The following TRIM24 variants were observed in gnomAD, a reference collection of about 807,000 sequenced individuals.
TRIM24 encodes transcription intermediary factor 1-alpha.
TRIM24 carries 29 observed loss-of-function variants against 123.9 expected under a neutral mutation model. The ratio of observed to expected loss-of-function variants is 0.23; its 90% confidence interval spans 0.17 to 0.32. TRIM24 has a LOEUF of 0.32. Ranked by LOEUF, TRIM24 falls within the 10% of genes least tolerant of loss-of-function variation. The pLI is 1.00. For synonymous variants in TRIM24, 456 were observed against 461.1 expected, an observed-to-expected ratio of 0.99 and a Z score of 0.14; for missense variants, 932 against 1,295.3, an observed-to-expected ratio of 0.72 and a Z score of 4.31.
intron 9 of TRIM24, among the ~76,000 whole-genome samples, chr7:138,566,123 G>GT (rs1369947324): frequency 6.6e-6 from 1 of 152,092 alleles, no homozygotes; most frequent in Admixed American, 6.6e-5. Context: ...AGGGAAACTT[G>GT]TTTTTCTCTT....
chr7:138,504,548 C>T, intron 2 of TRIM24, 140 bp downstream of exon 2: 1 of 506,858 alleles, frequency 2.0e-6, no homozygotes, highest in Non-Finnish European at 3.4e-6. Flanking sequence ...CTGCAAGCTC[C>T]TCCCCACAGG....
At chr7:138,500,225 A>G (rs779296796) in intron 1 of TRIM24, among the ~76,000 whole-genome samples, 2 of 152,198 alleles carry the variant, frequency 1.3e-5, no homozygotes, top group Non-Finnish European at 2.9e-5. Context: ...TCATATTCAC[A>G]TCTCAAAACC....
intron 7 of TRIM24, among the ~76,000 whole-genome samples, chr7:138,546,200 G>A (rs1038322902): frequency 2.6e-5 from 4 of 152,110 alleles, no homozygotes; most frequent in Non-Finnish European, 4.4e-5. Context: ...GACATCCTAC[G>A]TTTCCTGGCA....
chr7:138,531,100 C>G (rs1424484227), intron 6 of TRIM24, among the ~76,000 whole-genome samples: 2 of 151,062 alleles, frequency 1.3e-5, no homozygotes, highest in Non-Finnish European at 3.0e-5. Flanking sequence ...GACTACAGGG[C>G]GTGTGCTGCC....
At chr7:138,461,108 C>T (rs567847889) in intron 1 of TRIM24, 196 bp downstream of exon 1, 3 of 720,620 alleles carry the variant, frequency 4.2e-6, no homozygotes, top group Non-Finnish European at 7.3e-6. Context: ...CGGCCAGCAA[C>T]TTCCCCGGGC....
intron 10 of TRIM24, 62 bp from the exon 11 acceptor site, chr7:138,570,768 C>T: frequency 6.6e-7 from 1 of 1,525,758 alleles, no homozygotes; most frequent in South Asian, 1.2e-5. Context: ...TGAGTGATTA[C>T]ATAGATGTTG....
chr7:138,522,686 A>G (rs1249841102), intron 4 of TRIM24, among the ~76,000 whole-genome samples: 1 of 152,148 alleles, frequency 6.6e-6, no homozygotes, highest in Non-Finnish European at 1.5e-5. Context: ...ACATAAGAAA[A>G]TCCTTTTTTT....
At chr7:138,514,043 A>G (rs1165438563) in intron 2 of TRIM24, among the ~76,000 whole-genome samples, 2 of 152,232 alleles carry the variant, frequency 1.3e-5, no homozygotes, top group Non-Finnish European at 2.9e-5. Flanking sequence ...AGGAATTCAC[A>G]TGATTTCTAG....
intron 1 of TRIM24, among the ~76,000 whole-genome samples, chr7:138,480,987 AGTT>A (rs1795514382): frequency 6.6e-6 from 1 of 151,544 alleles, no homozygotes; most frequent in African/African-American, 2.4e-5. Flanking sequence ...TTTTTTAAAA[AGTT>A]ATTATTATTA....
intron 5 of TRIM24, among the ~76,000 whole-genome samples, chr7:138,527,137 A>AT (rs1288206595): frequency 6.6e-6 from 1 of 152,116 alleles, no homozygotes; most frequent in Non-Finnish European, 1.5e-5. Context: ...TAGACCATAT[A>AT]TATGTGTGGG....
intron 2 of TRIM24, among the ~76,000 whole-genome samples, chr7:138,508,697 G>GCGCGCGCGCGCGCA (rs1563038803): frequency 9.1e-6 from 1 of 110,200 alleles, no homozygotes; most frequent in South Asian, 2.7e-4. Context: ...GTGTGTGCGC[G>GCGCGCGCGCGCGCA]CGCGTGTGTG....
At chr7:138,529,373 T>G (rs997887387) in intron 6 of TRIM24, 143 bp downstream of exon 6, 1 of 425,396 alleles carries the variant, frequency 2.4e-6, no homozygotes, top group Non-Finnish European at 4.2e-6. Context: ...TTTCCTTTGC[T>G]GGGTTTTGTA....
At chr7:138,461,337 C>T (rs199534134) in intron 1 of TRIM24, 1 of 446,876 alleles carries the variant, frequency 2.2e-6, no homozygotes, top group Non-Finnish European at 4.4e-6. Context: ...TCTATACTCA[C>T]GTTATTTGAG....
intron 2 of TRIM24, among the ~76,000 whole-genome samples, chr7:138,510,752 CA>C (rs761904854): frequency 7.9e-5 from 12 of 152,306 alleles, no homozygotes; most frequent in Admixed American, 2.0e-4. Context: ...TTACCTGAAA[CA>C]AATAAATCTT....
At chr7:138,489,019 A>C (rs1379102610) in intron 1 of TRIM24, among the ~76,000 whole-genome samples, 3 of 152,126 alleles carry the variant, frequency 2.0e-5, no homozygotes, top group African/African-American at 7.2e-5. Flanking sequence ...TTGCTGTATG[A>C]ATCTGGGTGC....
intron 6 of TRIM24, among the ~76,000 whole-genome samples, chr7:138,529,581 T>A (rs750806265): frequency 2.6e-5 from 4 of 152,192 alleles, no homozygotes; most frequent in Non-Finnish European, 5.9e-5. Flanking sequence ...TCTAGAAAGA[T>A]ACACTGTTCG....
chr7:138,558,163 C>T (rs1237678284), intron 9 of TRIM24, among the ~76,000 whole-genome samples: 1 of 152,012 alleles, frequency 6.6e-6, no homozygotes, highest in Non-Finnish European at 1.5e-5. Context: ...GCCTGCCAGG[C>T]ATTTGGAGTT....
intron 4 of TRIM24, among the ~76,000 whole-genome samples, chr7:138,524,390 A>G (rs1338156651): frequency 2.0e-5 from 3 of 151,958 alleles, no homozygotes; most frequent in Non-Finnish European, 4.4e-5. Flanking sequence ...TTACTAAGGT[A>G]AAAAAAACTT....
chr7:138,584,930 A>G lies in TRIM24; in HGVS notation c.3132A>G (p.Glu1044=). 1 of 1,610,824 alleles carries G rather than the reference A, an allele frequency of 6.2e-7. No individual in the cohort carries two copies. The stretch of plus-strand genomic sequence containing the variant: ...GGAAGAAACGCCTCAAAAGCATTGA[A>G]GAACGCCAGTTGCTTAAATAATATG... The part of the protein sequence containing the change: ...QPRKKRLKSI[E]ERQLLK Residue 1044 remains glutamate (E), a synonymous_variant, in exon 19 of 19, where the codon GAA becomes GAG. Transcript: ENST00000343526.
Sources: allele counts gnomAD v4.1 joint callset (sites outside exome capture counted in the v4.1 genomes callset), GRCh38; gene constraint gnomAD v4.1.1; transcripts MANE v1.5; gene names NCBI Gene and HGNC (gene_info 2026-07-23, HGNC 2026-07-21).